The following SLC25A21 variants were observed in gnomAD, a reference collection of about 807,000 sequenced individuals.
SLC25A21 encodes the protein solute carrier family 25 member 21, also known as mitochondrial 2-oxodicarboxylate carrier.
SLC25A21 carries 47 observed loss-of-function variants against 43.8 expected under a neutral mutation model. The observed-to-expected ratio is 1.07, with a 90% CI of 0.85 to 1.37. The LOEUF is 1.37. Ranked by LOEUF, SLC25A21 falls within the 40% of genes most tolerant of loss-of-function variation. The probability of loss-of-function intolerance (pLI) is 0.00; values close to 1 mark genes in which losing one functional copy is unlikely to be tolerated. For missense variants in SLC25A21, 352 were observed against 350.2 expected (o/e 1.00, Z -0.04); for synonymous variants, 131 against 121.3 (o/e 1.08, Z -0.52).
intron 3 of SLC25A21, among the ~76,000 whole-genome samples, chr14:36,768,674 C>T (rs1237556788): frequency 6.6e-6 from 1 of 152,146 alleles, no homozygotes; most frequent in African/African-American, 2.4e-5. Context: ...CTTAACTGCA[C>T]TAAATCTTAC....
At chr14:36,732,602 T>C (rs1020576803) in intron 4 of SLC25A21, among the ~76,000 whole-genome samples, 3 of 152,112 alleles carry the variant, frequency 2.0e-5, no homozygotes, top group African/African-American at 7.2e-5. Context: ...TGTTTCTAAT[T>C]ATGGTAATGA....
chr14:37,008,654 G>A (rs560229269), intron 1 of SLC25A21, among the ~76,000 whole-genome samples: 7 of 152,224 alleles, frequency 4.6e-5, no homozygotes, highest in Middle Eastern at 3.4e-3. Flanking sequence ...ATGCAGCGAT[G>A]GCCTTACAAA....
chr14:37,068,537 A>G (rs1962107085), intron 1 of SLC25A21, among the ~76,000 whole-genome samples: 1 of 152,230 alleles, frequency 6.6e-6, no homozygotes, highest in African/African-American at 2.4e-5. Flanking sequence ...GTATAATTGC[A>G]TCACATAGCT....
chr14:36,828,516 T>A (rs557300386), intron 2 of SLC25A21: 1 of 152,374 alleles, frequency 6.6e-6, no homozygotes, highest in South Asian at 2.1e-4. Context: ...GAGACACAGA[T>A]GGGAGAAGCC....
chr14:37,171,062 G>C (rs1964117372), intron 1 of SLC25A21, among the ~76,000 whole-genome samples: 1 of 144,926 alleles, frequency 6.9e-6, no homozygotes. Flanking sequence ...ATCCAGCTCC[G>C]GTGCCTTCCA....
chr14:37,163,074 A>AGGTGGGAATTGAG (rs1963974106), intron 1 of SLC25A21, among the ~76,000 whole-genome samples: 1 of 146,704 alleles, frequency 6.8e-6, no homozygotes, highest in Non-Finnish European at 1.5e-5. Flanking sequence ...TCTCACTCAT[A>AGGTGGGAATTGAG]GGTGGGAATT....
intron 1 of SLC25A21, among the ~76,000 whole-genome samples, chr14:37,160,371 A>G (rs1174483876): frequency 1.3e-5 from 2 of 152,212 alleles, no homozygotes; most frequent in East Asian, 1.9e-4. Context: ...TAGACAATGA[A>G]ATACTATTTG....
chr14:36,768,493 C>T (rs1158096007), intron 3 of SLC25A21, among the ~76,000 whole-genome samples: 4 of 152,140 alleles, frequency 2.6e-5, no homozygotes, highest in Non-Finnish European at 4.4e-5. Flanking sequence ...ACCCCACCGT[C>T]GCCTCTTCTG....
chr14:36,788,344 G>T (rs1446619404), intron 3 of SLC25A21, among the ~76,000 whole-genome samples: 1 of 151,684 alleles, frequency 6.6e-6, no homozygotes, highest in African/African-American at 2.4e-5. Flanking sequence ...TCTGTCATCA[G>T]GGCTCTGATC....
intron 1 of SLC25A21, among the ~76,000 whole-genome samples, chr14:37,131,463 A>G (rs1189033440): frequency 1.3e-5 from 2 of 152,210 alleles, no homozygotes; most frequent in Admixed American, 1.3e-4. Flanking sequence ...AGGCAGATAT[A>G]GAGGACCTCA....
chr14:37,040,225 A>G (rs1348749482), intron 1 of SLC25A21, among the ~76,000 whole-genome samples: 12 of 71,150 alleles, frequency 1.7e-4, no homozygotes, highest in African/African-American at 1.7e-3. Flanking sequence ...AAAGAAAAAG[A>G]AAAAGAAAGG....
At chr14:36,772,012 A>G (rs552633430) in intron 3 of SLC25A21, among the ~76,000 whole-genome samples, 11 of 152,188 alleles carry the variant, frequency 7.2e-5, no homozygotes, top group African/African-American at 2.6e-4. Context: ...GGTGGGGCAC[A>G]CCATTTTCCT....
At chr14:36,983,250 G>A (rs532856299) in intron 1 of SLC25A21, among the ~76,000 whole-genome samples, 2 of 152,154 alleles carry the variant, frequency 1.3e-5, no homozygotes, top group Non-Finnish European at 2.9e-5. Context: ...CACTCTCAGA[G>A]CACTGCTTCT....
chr14:36,709,278 G>A (rs920662101), intron 7 of SLC25A21, among the ~76,000 whole-genome samples: 3 of 152,186 alleles, frequency 2.0e-5, no homozygotes, highest in African/African-American at 4.8e-5. Flanking sequence ...TAGAAGAGAC[G>A]AGCCCCATGA....
intron 2 of SLC25A21, among the ~76,000 whole-genome samples, chr14:36,838,143 G>A (rs1172255516): frequency 6.6e-6 from 1 of 152,178 alleles, no homozygotes; most frequent in Non-Finnish European, 1.5e-5. Flanking sequence ...GTAAGGAAAT[G>A]GGGCTGGCCA....
intron 1 of SLC25A21, among the ~76,000 whole-genome samples, chr14:36,960,216 C>T (rs1959454826): frequency 6.6e-6 from 1 of 152,158 alleles, no homozygotes. Flanking sequence ...TCACAGGAAT[C>T]CTCTTCCTAT....
At chr14:36,965,354 A>C (rs1177929820) in intron 1 of SLC25A21, among the ~76,000 whole-genome samples, 1 of 152,256 alleles carries the variant, frequency 6.6e-6, no homozygotes, top group Non-Finnish European at 1.5e-5. Flanking sequence ...TTTTTTAATA[A>C]GTCTCTCAAT....
chr14:36,997,764 G>T (rs1002327845), intron 1 of SLC25A21, among the ~76,000 whole-genome samples: 1 of 150,776 alleles, frequency 6.6e-6, no homozygotes, highest in Admixed American at 6.6e-5. Flanking sequence ...GGGAGGCAGA[G>T]GTTGCAGATT....
intron 6 of SLC25A21, among the ~76,000 whole-genome samples, chr14:36,719,325 G>C (rs2139202082): frequency 6.6e-6 from 1 of 152,258 alleles, no homozygotes; most frequent in South Asian, 2.1e-4. Context: ...GGCAAGACTG[G>C]GTATGCAAAC....
Sources: allele counts gnomAD v4.1 joint callset (sites outside exome capture counted in the v4.1 genomes callset), GRCh38; gene constraint gnomAD v4.1.1; transcripts MANE v1.5; gene names NCBI Gene and HGNC (gene_info 2026-07-23, HGNC 2026-07-21).